Variants in SLCO2A1 observed in about 807,000 individuals in gnomAD.
The protein encoded by SLCO2A1 is matrin F/G 1.
SLCO2A1 carries 60 observed loss-of-function variants against 71.7 expected under a neutral mutation model. The observed-to-expected ratio is 0.84, with a 90% CI of 0.68 to 1.04. The LOEUF is 1.04. Ranked by LOEUF, SLCO2A1 falls within the 50% of genes least tolerant of loss-of-function variation. The pLI is 0.00. For missense variants in SLCO2A1, 745 were observed against 813.4 expected (o/e 0.92, Z 1.02); for synonymous variants, 308 against 326.7 (o/e 0.94, Z 0.62).
intron 1 of SLCO2A1, among the ~76,000 whole-genome samples, chr3:133,991,371 A>G (rs1934840759): frequency 6.6e-6 from 1 of 152,174 alleles, no homozygotes; most frequent in Non-Finnish European, 1.5e-5. Flanking sequence ...CTGTGAATCT[A>G]AACCATGGCC....
rs141561735 is a variant in SLCO2A1 at position 133,973,803 on chromosome 3, A to G, written c.257T>C (p.Ile86Thr). ...LNEISNAILI[I>T]FVSYFGSRVH... ...CCGGCTGCCAAAGTAGCTGACAAAG[A>G]TGATGAGGATGGCATTGCTGATCTG... Residue 86 changes from isoleucine (I) to threonine (T), a missense_variant, in exon 3 of 14, where the codon ATC (isoleucine) becomes ACC (threonine). Coordinates refer to ENST00000310926, the MANE Select transcript of SLCO2A1 (RefSeq NM_005630.3). 77 of 1,613,600 alleles carry G rather than the reference A, an allele frequency of 4.8e-5. No individual in the cohort carries two copies. Among genetic ancestry groups the G allele is most frequent in the Non-Finnish European group, 6.3e-5 (74 of 1,179,924 alleles).
chr3:133,937,516 C>G (rs565442001), intron 12 of SLCO2A1, among the ~76,000 whole-genome samples: 5 of 152,146 alleles, frequency 3.3e-5, no homozygotes, highest in Non-Finnish European at 4.4e-5. Context: ...CAATACATCT[C>G]AAAATGGGGA....
chr3:133,942,875 T>A, intron 10 of SLCO2A1, 107 bp from the exon 11 acceptor site: 1 of 1,209,772 alleles, frequency 8.3e-7, no homozygotes, highest in Non-Finnish European at 1.1e-6. Flanking sequence ...TTTCAACCCT[T>A]GTGTCCTCTG....
intron 1 of SLCO2A1, among the ~76,000 whole-genome samples, chr3:134,006,527 T>C (rs939373718): frequency 2.6e-5 from 4 of 152,268 alleles, no homozygotes; most frequent in African/African-American, 9.6e-5. Context: ...TCTGTCTCTA[T>C]GAATTTTACT....
At chr3:133,998,833 C>T (rs1374629338) in intron 1 of SLCO2A1, 2 of 152,292 alleles carry the variant, frequency 1.3e-5, no homozygotes, top group Non-Finnish European at 2.9e-5. Flanking sequence ...CAGACTCATT[C>T]TAAACCTGTG....
intron 1 of SLCO2A1, among the ~76,000 whole-genome samples, chr3:134,020,003 C>A (rs1935537755): frequency 6.6e-6 from 1 of 152,072 alleles, no homozygotes; most frequent in Admixed American, 6.5e-5. Flanking sequence ...TAGGCCTGGT[C>A]GTTAAAGATC....
intron 8 of SLCO2A1, 147 bp downstream of exon 8, chr3:133,948,389 T>G: frequency 1.3e-6 from 1 of 745,142 alleles, no homozygotes; most frequent in Non-Finnish European, 2.1e-6. Flanking sequence ...AGGAAAACTG[T>G]CCTTAAAATT....
intron 1 of SLCO2A1, among the ~76,000 whole-genome samples, chr3:133,994,699 C>T (rs952879414): frequency 8.5e-5 from 13 of 152,240 alleles, no homozygotes; most frequent in Admixed American, 6.5e-5. Flanking sequence ...TGCCAGGCCT[C>T]GTATCAAACT....
chr3:133,946,521 A>G (rs1438572841), intron 9 of SLCO2A1, among the ~76,000 whole-genome samples: 5 of 152,142 alleles, frequency 3.3e-5, no homozygotes, highest in African/African-American at 1.2e-4. Flanking sequence ...CAAGTCTGCC[A>G]TCACTCTCAT....
chr3:133,975,629 G>A (rs1934424339), intron 2 of SLCO2A1, among the ~76,000 whole-genome samples: 1 of 152,106 alleles, frequency 6.6e-6, no homozygotes, highest in African/African-American at 2.4e-5. Context: ...TCACCTCTCA[G>A]GTCTGCACTC....
At chr3:134,024,687 T>C (rs1245085478) in intron 1 of SLCO2A1, among the ~76,000 whole-genome samples, 1 of 152,186 alleles carries the variant, frequency 6.6e-6, no homozygotes, top group East Asian at 1.9e-4. Context: ...CTTGTCCTGT[T>C]AGCACAAGAA....
intron 1 of SLCO2A1, among the ~76,000 whole-genome samples, chr3:134,000,478 G>A (rs959336551): frequency 2.6e-5 from 4 of 152,134 alleles, no homozygotes; most frequent in Non-Finnish European, 2.9e-5. Context: ...CTCCAGCCTC[G>A]TAAACAGATT....
At chr3:133,942,901 G>A in intron 10 of SLCO2A1, 133 bp from the exon 11 acceptor site, 3 of 940,696 alleles carry the variant, frequency 3.2e-6, no homozygotes, top group Non-Finnish European at 4.5e-6. Context: ...GGTTCCCAGG[G>A]AAGCTGGGTG....
At chr3:133,941,945 T>G (rs1417799520) in intron 11 of SLCO2A1, among the ~76,000 whole-genome samples, 3 of 152,354 alleles carry the variant, frequency 2.0e-5, no homozygotes, top group Admixed American at 1.3e-4. Flanking sequence ...CTTCAACACA[T>G]GGCTCAGCCA....
chr3:134,004,632 C>A (rs1257110001), intron 1 of SLCO2A1, among the ~76,000 whole-genome samples: 1 of 152,154 alleles, frequency 6.6e-6, no homozygotes, highest in Non-Finnish European at 1.5e-5. Flanking sequence ...CCACGCCCAG[C>A]CACAAGGATT....
intron 9 of SLCO2A1, among the ~76,000 whole-genome samples, chr3:133,945,612 C>G (rs1009006781): frequency 6.6e-6 from 1 of 152,148 alleles, no homozygotes; most frequent in African/African-American, 2.4e-5. Context: ...TTCGCCTTCC[C>G]TCTTCTTCAG....
chr3:133,943,902 C>T (rs1208588140), intron 10 of SLCO2A1, among the ~76,000 whole-genome samples: 1 of 152,224 alleles, frequency 6.6e-6, no homozygotes, highest in African/African-American at 2.4e-5. Flanking sequence ...CTTGCCCATC[C>T]CCTCCATATG....
intron 1 of SLCO2A1, among the ~76,000 whole-genome samples, chr3:134,023,005 C>T (rs768154507): frequency 6.6e-5 from 10 of 152,076 alleles, no homozygotes; most frequent in Non-Finnish European, 1.5e-4. Context: ...TCCAGTAAAC[C>T]AGCACCAGCC....
chr3:133,943,096 G>C (rs1252285249), intron 10 of SLCO2A1, among the ~76,000 whole-genome samples: 1 of 152,262 alleles, frequency 6.6e-6, no homozygotes, highest in Non-Finnish European at 1.5e-5. Context: ...GCCCAGGAGG[G>C]CTTGTGCCCA....
Sources: allele counts gnomAD v4.1 joint callset (sites outside exome capture counted in the v4.1 genomes callset), GRCh38; gene constraint gnomAD v4.1.1; transcripts MANE v1.5; gene names NCBI Gene and HGNC (gene_info 2026-07-23, HGNC 2026-07-21).